PPP2R3A: variants seen among roughly 807,000 people sequenced by gnomAD.
PPP2R3A encodes protein phosphatase 2 regulatory subunit B''alpha.
Under a neutral mutation model 106.9 loss-of-function variants are expected in PPP2R3A, and 80 were observed. The observed-to-expected ratio is 0.75, with a 90% CI of 0.62 to 0.90. The LOEUF (loss-of-function observed/expected upper bound fraction) is 0.90, where lower values mean the gene tolerates loss of function less well. PPP2R3A is among the 40% of genes least tolerant of loss of function. The pLI is 0.00. For synonymous variants in PPP2R3A, 483 were observed against 468.3 expected, an observed-to-expected ratio of 1.03 and a Z score of -0.41; for missense variants, 1,386 against 1,350.4, an observed-to-expected ratio of 1.03 and a Z score of -0.41.
chr3:136,087,324 A>T (rs1936977255), intron 8 of PPP2R3A, among the ~76,000 whole-genome samples: 1 of 124,000 alleles, frequency 8.1e-6, no homozygotes, highest in African/African-American at 3.2e-5. Context: ...TTAAGCCACG[A>T]TTATCTATGT....
chr3:136,026,889 C>T lies in PPP2R3A; in HGVS notation c.2053C>T (p.Pro685Ser). 1 of 1,612,956 alleles carries T rather than the reference C, an allele frequency of 6.2e-7. No individual in the cohort carries two copies. The highest frequency in any genetic ancestry group is 1.1e-5 in the South Asian group (1 of 91,048). ...GTPLPPPATS[P>S]SSPRPLSPVP... ...ACCACTCCCACCTCCAGCCACCTCT[C>T]CAAGTAGTCCCCGACCTCTCTCCCC... The change falls in exon 3 of 14, where the codon CCA becomes TCA. Residue 685 changes from proline to serine, a missense_variant. Pro to Ser is a moderately conservative substitution (Grantham distance 74). Transcript: ENST00000264977.
chr3:136,070,418 C>T, intron 5 of PPP2R3A, 60 bp from the exon 6 acceptor site: 2 of 1,420,566 alleles, frequency 1.4e-6, no homozygotes, highest in South Asian at 1.3e-5. Context: ...GAAGGAAAAA[C>T]TTCCATAGGC....
intron 1 of PPP2R3A, among the ~76,000 whole-genome samples, chr3:135,977,688 C>CT (rs66592538): frequency 0.27 from 16,458 of 61,364 alleles, 5,548 homozygotes; most frequent in Non-Finnish European, 0.37. Flanking sequence ...GATCAGCATT[C>CT]TTTTTTTTTT....
At chr3:136,112,655 T>A (rs1374618549) in intron 13 of PPP2R3A, among the ~76,000 whole-genome samples, 1 of 152,172 alleles carries the variant, frequency 6.6e-6, no homozygotes, top group African/African-American at 2.4e-5. Context: ...TGGAAAAACA[T>A]TCTATGCTCA....
At chr3:136,023,106 G>A in intron 2 of PPP2R3A, 1 of 1,613,490 alleles carries the variant, frequency 6.2e-7, no homozygotes, top group Non-Finnish European at 8.5e-7. Context: ...AAGGGACCCG[G>A]ATTTAAGGGG....
At chr3:136,009,965 CCA>C (rs1933988182) in intron 2 of PPP2R3A, among the ~76,000 whole-genome samples, 1 of 152,172 alleles carries the variant, frequency 6.6e-6, no homozygotes, top group African/African-American at 2.4e-5. Context: ...TTCATGACCA[CCA>C]ACCTCCAGTG....
intron 2 of PPP2R3A, among the ~76,000 whole-genome samples, chr3:136,025,455 C>T (rs996639419): frequency 6.6e-6 from 1 of 151,952 alleles, no homozygotes; most frequent in South Asian, 2.1e-4. Flanking sequence ...TGAGCAGACT[C>T]CATTCTGTGT....
At chr3:136,062,713 A>G (rs561270435) in intron 5 of PPP2R3A, among the ~76,000 whole-genome samples, 106 of 94,006 alleles carry the variant, frequency 1.1e-3, no homozygotes, top group African/African-American at 6.5e-3. Flanking sequence ...GTGAGACTCC[A>G]TCTCAAAAAA....
At chr3:135,984,569 G>A (rs768999585) in intron 1 of PPP2R3A, among the ~76,000 whole-genome samples, 4 of 152,066 alleles carry the variant, frequency 2.6e-5, no homozygotes, top group African/African-American at 9.7e-5. Flanking sequence ...CCCCCATGCC[G>A]TTCTCGCGAT....
At chr3:136,071,963 G>A (rs185074998) in intron 6 of PPP2R3A, among the ~76,000 whole-genome samples, 8 of 151,920 alleles carry the variant, frequency 5.3e-5, no homozygotes, top group Non-Finnish European at 1.0e-4. Context: ...ATTTAGTGAG[G>A]CCCTCCCTGA....
chr3:136,127,058 G>A (rs1938208673), intron 13 of PPP2R3A, among the ~76,000 whole-genome samples: 1 of 152,186 alleles, frequency 6.6e-6, no homozygotes, highest in Non-Finnish European at 1.5e-5. Flanking sequence ...AAGATGGGGA[G>A]AAACCAGATC....
At chr3:136,038,099 T>G (rs1213942053) in intron 3 of PPP2R3A, among the ~76,000 whole-genome samples, 1 of 152,216 alleles carries the variant, frequency 6.6e-6, no homozygotes, top group Non-Finnish European at 1.5e-5. Flanking sequence ...TCCTTTTACC[T>G]TAAATCTTTG....
intron 3 of PPP2R3A, among the ~76,000 whole-genome samples, chr3:136,035,918 T>C (rs191667313): frequency 6.6e-6 from 1 of 151,942 alleles, no homozygotes; most frequent in East Asian, 1.9e-4. Context: ...TTTGTTCATA[T>C]TTTCTTTTTT....
intron 1 of PPP2R3A, among the ~76,000 whole-genome samples, chr3:135,972,842 T>C (rs1190532227): frequency 1.3e-5 from 2 of 152,352 alleles, no homozygotes; most frequent in East Asian, 3.9e-4. Context: ...TATGTAAATA[T>C]GGATACAAAT....
chr3:135,967,819 T>A (rs1937132271), intron 1 of PPP2R3A, among the ~76,000 whole-genome samples: 1 of 152,214 alleles, frequency 6.6e-6, no homozygotes, highest in Non-Finnish European at 1.5e-5. Flanking sequence ...GAGTCAGAGT[T>A]TCTCATTTGT....
intron 3 of PPP2R3A, among the ~76,000 whole-genome samples, chr3:136,029,067 G>A (rs998814010): frequency 6.6e-6 from 1 of 152,028 alleles, no homozygotes; most frequent in Non-Finnish European, 1.5e-5. Flanking sequence ...TGGTCAGGCT[G>A]GTCTCAAACT....
At chr3:136,051,998 C>A (rs1464777510) in intron 5 of PPP2R3A, among the ~76,000 whole-genome samples, 2 of 151,898 alleles carry the variant, frequency 1.3e-5, no homozygotes, top group Non-Finnish European at 2.9e-5. Context: ...GGTTTTGTTC[C>A]CCTAAAAAAA....
chr3:135,970,933 G>A (rs1937230642), intron 1 of PPP2R3A, among the ~76,000 whole-genome samples: 1 of 152,144 alleles, frequency 6.6e-6, no homozygotes, highest in African/African-American at 2.4e-5. Flanking sequence ...TAGGCCACAA[G>A]TTTCTTTCTC....
At chr3:136,074,273 G>A (rs1024939071) in intron 6 of PPP2R3A, among the ~76,000 whole-genome samples, 1 of 152,142 alleles carries the variant, frequency 6.6e-6, no homozygotes, top group Non-Finnish European at 1.5e-5. Flanking sequence ...TACAGGAAAG[G>A]CTGTTTGTTT....
Sources: allele counts gnomAD v4.1 joint callset (sites outside exome capture counted in the v4.1 genomes callset), GRCh38; gene constraint gnomAD v4.1.1; transcripts MANE v1.5; gene names NCBI Gene and HGNC (gene_info 2026-07-23, HGNC 2026-07-21).